Variants in CAST observed in about 807,000 individuals in gnomAD.
CAST encodes the protein calpastatin.
A neutral mutation model predicts 119.6 loss-of-function variants in CAST; 76 were observed. The observed-to-expected ratio is 0.64, with a 90% CI of 0.53 to 0.77. The LOEUF (loss-of-function observed/expected upper bound fraction) is 0.77, where lower values mean the gene tolerates loss of function less well. Among genes scored for constraint, CAST ranks in the 30% least tolerant of loss-of-function variants. The pLI, the probability that CAST is intolerant of heterozygous loss-of-function variation, is 0.00. For missense variants in CAST, 953 were observed against 946.5 expected (o/e 1.01, Z -0.09); for synonymous variants, 319 against 331.6 (o/e 0.96, Z 0.41).
the CAST span, among the ~76,000 whole-genome samples, chr5:96,407,669 A>C: frequency 6.6e-6 from 1 of 152,236 alleles, no homozygotes; most frequent in African/African-American, 2.4e-5. Flanking sequence ...TGATTAGATG[A>C]CTTTAAGGAA....
At chr5:96,448,006 T>C in the CAST span, among the ~76,000 whole-genome samples, 1 of 151,162 alleles carries the variant, frequency 6.6e-6, no homozygotes, top group African/African-American at 2.4e-5. Flanking sequence ...GATGGAACTC[T>C]CATATGTTAA....
At chr5:96,516,694 G>T in the CAST span, among the ~76,000 whole-genome samples, 1 of 152,220 alleles carries the variant, frequency 6.6e-6, no homozygotes, top group African/African-American at 2.4e-5. Flanking sequence ...GAAGAAGAAT[G>T]TGTATGATTA....
chr5:96,013,010 A>T, the CAST span, among the ~76,000 whole-genome samples: 1 of 152,204 alleles, frequency 6.6e-6, no homozygotes, highest in Non-Finnish European at 1.5e-5. Flanking sequence ...AACTTGGATC[A>T]GCTGAGTTTC....
At chr5:96,468,311 A>G in the CAST span, among the ~76,000 whole-genome samples, 1 of 152,032 alleles carries the variant, frequency 6.6e-6, no homozygotes, top group Non-Finnish European at 1.5e-5. Context: ...GTGCGCTAAA[A>G]TCTCAGACTT....
chr5:96,222,119 T>G, the CAST span, among the ~76,000 whole-genome samples: 3 of 152,098 alleles, frequency 2.0e-5, no homozygotes, highest in East Asian at 3.9e-4. Context: ...CAAGATGGAT[T>G]AAAGATTTAA....
At chr5:96,484,902 A>G in the CAST span, among the ~76,000 whole-genome samples, 2 of 152,158 alleles carry the variant, frequency 1.3e-5, no homozygotes, top group Non-Finnish European at 2.9e-5. Context: ...AAGAACAACA[A>G]CCAAGTAAGT....
chr5:96,741,517 T>C lies in CAST; in HGVS notation c.1035T>C (p.Ala345=). ...EKEESTEVLK[A]QSAGTVRSAA... is the part of the protein sequence containing the mutation. Reference sequence around the variant, plus strand: ...AGGAATCTACAGAAGTTTTAAAAGCTCAGTCAGCAGGGACAGTCAGAAGTG... The same window carrying C: ...AGGAATCTACAGAAGTTTTAAAAGCCCAGTCAGCAGGGACAGTCAGAAGTG... The change falls in exon 15 of 32, where the codon GCT becomes GCC. Residue 345 remains alanine (A), a synonymous_variant. Coordinates refer to ENST00000675179, the MANE Select transcript of CAST (RefSeq NM_001750.7). The C allele has an allele frequency of 6.2e-7, 1 of 1,613,610 alleles. No individual in the cohort carries two copies.
chr5:96,660,049 T>C (rs1007406941), upstream of CAST, among the ~76,000 whole-genome samples: 37 of 152,240 alleles, frequency 2.4e-4, 1 homozygote, highest in Non-Finnish European at 1.6e-4. Context: ...TTACCTCTTA[T>C]AGATTTTGAT....
the CAST span, among the ~76,000 whole-genome samples, chr5:96,427,024 T>G: frequency 2.0e-5 from 3 of 152,230 alleles, no homozygotes; most frequent in Non-Finnish European, 4.4e-5. Flanking sequence ...ATGCTGCCTA[T>G]CATCTGAGTT....
the CAST span, among the ~76,000 whole-genome samples, chr5:96,509,189 C>T: frequency 6.6e-6 from 1 of 152,112 alleles, no homozygotes; most frequent in Non-Finnish European, 1.5e-5. Flanking sequence ...AGAGAAACAG[C>T]AATTACGATC....
At chr5:96,401,524 TAGTA>T in the CAST span, among the ~76,000 whole-genome samples, 6 of 152,190 alleles carry the variant, frequency 3.9e-5, no homozygotes, top group African/African-American at 1.4e-4. Flanking sequence ...TCATAAGTCT[TAGTA>T]AGATTAATTT....
At chr5:96,643,640 C>T (rs886341956) in intron 1 of CAST, among the ~76,000 whole-genome samples, 3 of 151,974 alleles carry the variant, frequency 2.0e-5, no homozygotes, top group Admixed American at 2.0e-4. Flanking sequence ...TTTGGGAGGC[C>T]GAGGTGGGTG....
At chr5:96,255,960 G>A in the CAST span, among the ~76,000 whole-genome samples, 3 of 151,964 alleles carry the variant, frequency 2.0e-5, no homozygotes, top group Non-Finnish European at 2.9e-5. Context: ...TGTTAAATAG[G>A]TTTAAACTTT....
At chr5:96,656,301 C>G (rs878908510) in intron 1 of CAST, among the ~76,000 whole-genome samples, 3 of 152,154 alleles carry the variant, frequency 2.0e-5, no homozygotes, top group African/African-American at 7.2e-5. Flanking sequence ...TAACAAATAA[C>G]AGAAAAAGCA....
chr5:96,276,746 AGTATTAT>A, the CAST span, among the ~76,000 whole-genome samples: 4 of 152,228 alleles, frequency 2.6e-5, no homozygotes, highest in Non-Finnish European at 1.5e-5. Flanking sequence ...ATTGTAAGGA[AGTATTAT>A]GAATGCATCT....
the CAST span, among the ~76,000 whole-genome samples, chr5:96,134,223 T>C: frequency 6.6e-6 from 1 of 152,092 alleles, no homozygotes; most frequent in Non-Finnish European, 1.5e-5. Context: ...AAAATGAAAA[T>C]ACAAACATAA....
chr5:96,552,948 C>T (rs1432070841), intron 1 of CAST, among the ~76,000 whole-genome samples: 1 of 152,150 alleles, frequency 6.6e-6, no homozygotes, highest in Admixed American at 6.5e-5. Flanking sequence ...AGTCCAGGAC[C>T]AGACCGATTC....
chr5:96,515,794 C>T, the CAST span, among the ~76,000 whole-genome samples: 4 of 152,080 alleles, frequency 2.6e-5, no homozygotes, highest in Non-Finnish European at 5.9e-5. Context: ...TACAAGTGTT[C>T]GACTCGTACA....
At chr5:96,170,817 G>C in the CAST span, among the ~76,000 whole-genome samples, 1 of 152,144 alleles carries the variant, frequency 6.6e-6, no homozygotes, top group African/African-American at 2.4e-5. Flanking sequence ...TTTTTAAGAG[G>C]AAATTGCTGG....
Sources: allele counts gnomAD v4.1 joint callset (sites outside exome capture counted in the v4.1 genomes callset), GRCh38; gene constraint gnomAD v4.1.1; transcripts MANE v1.5; gene names NCBI Gene and HGNC (gene_info 2026-07-23, HGNC 2026-07-21).